The following TAFA5 variants were observed in gnomAD, a reference collection of about 807,000 sequenced individuals.
TAFA5 encodes TAFA chemokine like family member 5.
A neutral mutation model predicts 15.3 loss-of-function variants in TAFA5; 6 were observed. That is an observed-to-expected ratio of 0.39 (90% CI 0.21 to 0.77). The LOEUF is 0.77. Ranked by LOEUF, TAFA5 falls within the 30% of genes least tolerant of loss-of-function variation. The pLI is 0.41. For missense variants in TAFA5, 161 were observed against 193.1 expected, an observed-to-expected ratio of 0.83 and a Z score of 0.98; for synonymous variants, 103 against 80.7, an observed-to-expected ratio of 1.28 and a Z score of -1.48.
chr22:48,672,309 G>A (rs1027193013), intron 2 of TAFA5, among the ~76,000 whole-genome samples: 1 of 152,190 alleles, frequency 6.6e-6, no homozygotes, highest in African/African-American at 2.4e-5. Flanking sequence ...TTCACAACTA[G>A]CATCCAACAT....
At chr22:48,652,319 G>A (rs1036136221) in intron 2 of TAFA5, among the ~76,000 whole-genome samples, 14 of 152,240 alleles carry the variant, frequency 9.2e-5, no homozygotes, top group Non-Finnish European at 1.5e-4. Context: ...AGCCTGGCCA[G>A]GGGTTGGCCC....
chr22:48,576,827 C>G (rs1219024389), intron 1 of TAFA5, among the ~76,000 whole-genome samples: 6 of 151,800 alleles, frequency 4.0e-5, no homozygotes, highest in Non-Finnish European at 8.8e-5. Flanking sequence ...CTCGGTGCCT[C>G]TGGCGCCGCC....
In TAFA5 at chr22:48,640,072, G is replaced by C. The variant is rs113482883; in HGVS notation, c.113-6525G>C. Among the ~76,000 whole-genome samples the C allele has an allele frequency of 7.1e-3, 1,089 of 152,326 alleles. 15 individuals are homozygous for C. Among genetic ancestry groups the C allele is most frequent in the African/African-American group, 0.025 (1,036 of 41,578 alleles). The stretch of plus-strand genomic sequence containing the variant: ...GGGCGTGCTGCAGCCCCTGAACCCA[G>C]TCCAGCCCCTGCCTCGCTGTGCCAG... On this transcript the variant is annotated intron_variant, in intron 1 of 3. Transcript: ENST00000402357.
chr22:48,694,886 C>A (rs1487190485), intron 2 of TAFA5, among the ~76,000 whole-genome samples: 1 of 141,154 alleles, frequency 7.1e-6, no homozygotes, highest in East Asian at 2.2e-4. Context: ...TGTGAGCCTT[C>A]CTGCCCCAGG....
chr22:48,622,729 A>C (rs1163360977), intron 1 of TAFA5, among the ~76,000 whole-genome samples: 1 of 152,222 alleles, frequency 6.6e-6, no homozygotes, highest in Non-Finnish European at 1.5e-5. Context: ...GGTGGTATCG[A>C]TGCGGGACAG....
intron 1 of TAFA5, among the ~76,000 whole-genome samples, chr22:48,587,820 A>G (rs1355142512): frequency 6.6e-6 from 1 of 152,212 alleles, no homozygotes; most frequent in Non-Finnish European, 1.5e-5. Context: ...AAATCAAATC[A>G]GCGGTTCGGA....
rs1035751083 is a variant in TAFA5, at chr22:48,689,908, G to A, written c.263-17809G>A. ...CTCAGTCACTAGCAAGGTCCTTGCT[G>A]CCCCCAGGAGCCAGTCCCTCCAGGA... On this transcript the variant is annotated intron_variant, in intron 2 of 3. Coordinates refer to ENST00000402357, the MANE Select transcript of TAFA5 (RefSeq NM_001082967.3). Among the ~76,000 whole-genome samples, 5 of 152,242 alleles carry A rather than the reference G, an allele frequency of 3.3e-5. 1 individual carries two copies. The highest frequency in any genetic ancestry group is 3.3e-4 in the Admixed American group (5 of 15,302).
chr22:48,614,748 G>A (rs1051528756), intron 1 of TAFA5, among the ~76,000 whole-genome samples: 2 of 152,230 alleles, frequency 1.3e-5, no homozygotes, highest in Non-Finnish European at 2.9e-5. Context: ...GGTGCTGCGC[G>A]TCCTGTTGAC....
chr22:48,726,934 G>A (rs967414522), intron 3 of TAFA5, among the ~76,000 whole-genome samples: 2 of 152,160 alleles, frequency 1.3e-5, no homozygotes, highest in Non-Finnish European at 2.9e-5. Context: ...GTATCTCCAG[G>A]TTGGCCACTC....
At chr22:48,610,765 T>C (rs966377896) in intron 1 of TAFA5, among the ~76,000 whole-genome samples, 2 of 152,144 alleles carry the variant, frequency 1.3e-5, no homozygotes, top group African/African-American at 2.4e-5. Flanking sequence ...AAGGGCTTCA[T>C]GAGGATGGGG....
intron 1 of TAFA5, among the ~76,000 whole-genome samples, chr22:48,557,414 C>T (rs2147130082): frequency 6.6e-6 from 1 of 152,268 alleles, no homozygotes; most frequent in East Asian, 1.9e-4. Flanking sequence ...CCCTGGACTC[C>T]CGGCCTCCAG....
chr22:48,674,350 CT>C (rs67258835), intron 2 of TAFA5, among the ~76,000 whole-genome samples: 55,174 of 152,086 alleles, frequency 0.36, 11,202 homozygotes, highest in South Asian at 0.47. Context: ...CCAGCGGTTC[CT>C]TTCTGGCACC....
At chr22:48,561,372 G>A (rs947558344) in intron 1 of TAFA5, among the ~76,000 whole-genome samples, 7 of 152,180 alleles carry the variant, frequency 4.6e-5, no homozygotes, top group African/African-American at 7.2e-5. Flanking sequence ...AGACTGCTCC[G>A]TAGATGACAA....
At chr22:48,707,877 TG>T in intron 3 of TAFA5, 33 bp downstream of exon 3, 4 of 1,604,194 alleles carry the variant, frequency 2.5e-6, no homozygotes, top group Non-Finnish European at 1.7e-6. Context: ...GTGGGTGTGC[TG>T]GGGAGGGGGT....
At chr22:48,681,058 A>G (rs910570) in intron 2 of TAFA5, among the ~76,000 whole-genome samples, 46,169 of 152,222 alleles carry the variant, frequency 0.3, 9,081 homozygotes, top group African/African-American at 0.56. Flanking sequence ...CCTACCTGTC[A>G]GATTCAGTGG....
At chr22:48,631,345 G>T (rs1269939970) in intron 1 of TAFA5, among the ~76,000 whole-genome samples, 1 of 152,212 alleles carries the variant, frequency 6.6e-6, no homozygotes, top group African/African-American at 2.4e-5. Flanking sequence ...TGAGGGCCAC[G>T]CTGGACACAC....
chr22:48,563,261 C>T (rs751364288), intron 1 of TAFA5, among the ~76,000 whole-genome samples: 1 of 152,188 alleles, frequency 6.6e-6, no homozygotes, highest in Admixed American at 6.5e-5. Flanking sequence ...TATTCTCCAG[C>T]GGGGACCACC....
intron 1 of TAFA5, among the ~76,000 whole-genome samples, chr22:48,563,034 C>T (rs1034342557): frequency 2.3e-4 from 35 of 152,330 alleles, no homozygotes; most frequent in African/African-American, 7.7e-4. Context: ...CCGAGCCGCC[C>T]GCTTGCTCCT....
chr22:48,559,905 CT>C (rs1923168079), intron 1 of TAFA5, among the ~76,000 whole-genome samples: 2 of 152,218 alleles, frequency 1.3e-5, no homozygotes, highest in Non-Finnish European at 2.9e-5. Context: ...TGCACTGAAT[CT>C]TTGCGGGGGC....
Sources: gnomAD v4.1 joint callset for allele counts (sites outside exome capture counted in the v4.1 genomes callset) on GRCh38, gnomAD v4.1.1 for gene constraint, MANE v1.5 for transcripts, NCBI Gene and HGNC (gene_info 2026-07-23, HGNC 2026-07-21) for gene names.